The following LRP8 variants were observed in gnomAD, a reference collection of about 807,000 sequenced individuals.
LRP8 encodes the protein low-density lipoprotein receptor-related protein 8.
LRP8 carries 46 observed loss-of-function variants against 111.6 expected under a neutral mutation model. The ratio of observed to expected loss-of-function variants is 0.41; its 90% CI spans 0.33 to 0.53. The LOEUF (loss-of-function observed/expected upper bound fraction) is 0.53. LRP8 is among the 20% of genes least tolerant of loss of function. The pLI is 0.20. For synonymous variants in LRP8, 464 were observed against 511.2 expected (o/e 0.91, Z 1.24); for missense variants, 959 against 1,297.4 (o/e 0.74, Z 4.01).
intron 13 of LRP8, 82 bp downstream of exon 13, chr1:53,260,382 G>T: frequency 7.2e-7 from 1 of 1,386,664 alleles, no homozygotes; most frequent in South Asian, 1.3e-5. Context: ...TGACCTGAAT[G>T]TGAACACAGC....
chr1:53,280,545 G>A, intron 4 of LRP8, 42 bp downstream of exon 4: 2 of 1,600,258 alleles, frequency 1.2e-6, no homozygotes, highest in Non-Finnish European at 1.7e-6. Context: ...GAGGCTGCCT[G>A]ACCATGCTTG....
rs2100337865 is a variant in LRP8, at chr1:53,250,027, A to G, written c.2677-471T>C. On this transcript the variant is annotated intron_variant, in intron 17 of 18. Transcript: ENST00000306052. The surrounding 1 kb of genome is among the most constrained non-coding windows in gnomAD (Gnocchi z 4.6). ...CAGGGGCTGTGAGGTAGAGAGGCCC[A>G]GAGTACTGTGGGAGAACAAAGCAAG... Among the ~76,000 whole-genome samples the G allele has an allele frequency of 6.6e-6, 1 of 152,350 alleles. No homozygotes were observed. Among genetic ancestry groups the G allele is most frequent in the Non-Finnish European group, 1.5e-5 (1 of 68,032 alleles).
intron 2 of LRP8, among the ~76,000 whole-genome samples, chr1:53,320,958 G>A (rs535432055): frequency 1.5e-4 from 23 of 152,306 alleles, no homozygotes; most frequent in East Asian, 3.9e-4. Flanking sequence ...GCCAAGTTCC[G>A]TCTCCTTTCT....
chr1:53,294,167 C>T lies in LRP8; in HGVS notation c.245-4478G>A, dbSNP rs1442084382. 6.6e-6 allele frequency among the ~76,000 whole-genome samples: 1 copy of T among 152,186 alleles called. No individual in the cohort carries two copies. Among genetic ancestry groups the T allele is most frequent in the East Asian group, 1.9e-4 (1 of 5,182 alleles). On this transcript the variant is annotated intron_variant, in intron 2 of 18. Coordinates refer to ENST00000306052, the MANE Select transcript of LRP8 (RefSeq NM_004631.5). This position sits in a 1 kb window ranked among gnomAD's most constrained non-coding sequence, Gnocchi z 4.1. ...TTCCAGGGATTTATGTCCCCCCATGCCAGTCTGCCCCTTGGACAATGCCCA... is the reference window on the plus strand; with the variant it reads ...TTCCAGGGATTTATGTCCCCCCATGTCAGTCTGCCCCTTGGACAATGCCCA...
intron 8 of LRP8, among the ~76,000 whole-genome samples, chr1:53,270,681 GTTCA>G (rs1435430642): frequency 6.6e-6 from 1 of 152,208 alleles, no homozygotes; most frequent in Non-Finnish European, 1.5e-5. Context: ...GCTGCCGCTG[GTTCA>G]TTCTCTTTTA....
chr1:53,248,615 C>G (rs1645799093), intron 18 of LRP8, among the ~76,000 whole-genome samples: 1 of 152,176 alleles, frequency 6.6e-6, no homozygotes, highest in South Asian at 2.1e-4. Context: ...CGAATAATAT[C>G]AGCTTGATAA....
Position 53,246,283 on chromosome 1 carries a change from C to T in LRP8, c.*735G>A, listed in dbSNP as rs1185191975. On this transcript the variant is annotated 3_prime_UTR_variant, in exon 19 of 19. Transcript: ENST00000306052. ...CTGATCCAGATTTCCAAAGGCTTTT[C>T]TGAAAACTACAAGATATACCCCTTG... is the stretch of plus-strand genomic sequence containing the variant. The T allele has an allele frequency of 6.6e-6, 1 of 152,144 alleles. No individual in the cohort carries two copies. The highest frequency in any genetic ancestry group is 1.5e-5 in the Non-Finnish European group (1 of 68,032). 9.4% of individuals were successfully genotyped at this position (152,144 alleles called of 1,614,324 possible).
intron 4 of LRP8, among the ~76,000 whole-genome samples, chr1:53,278,353 C>T (rs1034926294): frequency 1.3e-5 from 2 of 152,206 alleles, no homozygotes; most frequent in African/African-American, 2.4e-5. Context: ...CCCGGTGGGG[C>T]ACTGATGCAG....
Position 53,317,552 on chromosome 1 carries a change from G to T in LRP8, c.244+9321C>A, listed in dbSNP as rs993339043. On this transcript the variant is annotated intron_variant, in intron 2 of 18. Coordinates refer to ENST00000306052, the MANE Select transcript of LRP8 (RefSeq NM_004631.5). The surrounding 1 kb of genome is among the most constrained non-coding windows in gnomAD (Gnocchi z 4.9). Reference sequence around the variant, plus strand: ...AAATCTCTCCTGCTGCTATTTTGCTGCTGCCCTCTTGTTGTGTCCTTGGTG... The same window carrying T: ...AAATCTCTCCTGCTGCTATTTTGCTTCTGCCCTCTTGTTGTGTCCTTGGTG... 6.6e-6 allele frequency among the ~76,000 whole-genome samples: 1 copy of T among 152,202 alleles called. No homozygotes were observed. Among genetic ancestry groups the T allele is most frequent in the Non-Finnish European group, 1.5e-5 (1 of 68,044 alleles).
chr1:53,276,914 A>C lies in LRP8; in HGVS notation c.661T>G (p.Cys221Gly). Residue 221 changes from cysteine to glycine, a missense_variant, in exon 5 of 19, where the codon TGC (cysteine) becomes GGC (glycine). Physicochemically the swap from Cys to Gly is radical, Grantham distance 159. Around this residue, in one of 3 missense-constraint regions of LRP8, gnomAD observed 819 missense variants for 1,097.6 expected, o/e 0.75. Transcript: ENST00000306052. ...FRCGGDGGGA[C>G]IPERWVCDRQ... ...TCGCAGACCCAGCGCTCCGGGATGC[A>C]GGCGCCGCCGCCATCGCCGCCGCAG... The C allele has an allele frequency of 7.0e-7, 1 of 1,435,290 alleles. No individual in the cohort carries two copies. Among genetic ancestry groups the C allele is most frequent in the Non-Finnish European group, 9.1e-7 (1 of 1,096,624 alleles). 88.9% of individuals were successfully genotyped at this position (1,435,290 alleles called of 1,614,324 possible). A position where few individuals can be genotyped will look rare whatever the true frequency, so the allele number is the denominator to read the frequency against.
intron 16 of LRP8, among the ~76,000 whole-genome samples, chr1:53,252,376 A>T (rs2100344751): frequency 6.6e-6 from 1 of 152,136 alleles, no homozygotes; most frequent in South Asian, 2.1e-4. Context: ...CAAAAAAATT[A>T]ATTTAAAAAA....
At chr1:53,313,766 T>C (rs1209044010) in intron 2 of LRP8, among the ~76,000 whole-genome samples, 1 of 152,088 alleles carries the variant, frequency 6.6e-6, no homozygotes, top group Non-Finnish European at 1.5e-5. Context: ...CAGGTACATG[T>C]CTGGTCTTGA....
chr1:53,299,185 C>G (rs1013964317), intron 2 of LRP8, among the ~76,000 whole-genome samples: 5 of 152,116 alleles, frequency 3.3e-5, no homozygotes, highest in South Asian at 2.1e-4. Flanking sequence ...GCAAATGATT[C>G]AGTGATGACC....
chr1:53,283,254 G>T (rs900624187), intron 3 of LRP8, among the ~76,000 whole-genome samples: 2 of 152,044 alleles, frequency 1.3e-5, no homozygotes, highest in African/African-American at 4.8e-5. Context: ...ATGAGGAACG[G>T]GCCCTCACCA....
At chr1:53,269,132 C>T (rs1273285164) in intron 8 of LRP8, among the ~76,000 whole-genome samples, 1 of 152,216 alleles carries the variant, frequency 6.6e-6, no homozygotes, top group African/African-American at 2.4e-5. Flanking sequence ...TCTCTGGCTT[C>T]ATCTCTTCCT....
In LRP8 at chr1:53,266,678, G is replaced by C; in HGVS notation, c.1253-31C>G. The C allele has an allele frequency of 4.4e-6, 7 of 1,607,752 alleles. No individual in the cohort carries two copies. The highest frequency in any genetic ancestry group is 1.3e-5 in the African/African-American group (1 of 74,940). The stretch of plus-strand genomic sequence containing the variant: ...ATGCAGGGAGGTTGAAAGAGAAAGA[G>C]TCAGTGCAAGAGGCAGGGAGCCTGG... On this transcript the variant is annotated intron_variant, in intron 8 of 18. Coordinates refer to ENST00000306052, the MANE Select transcript of LRP8 (RefSeq NM_004631.5). This position sits in a 1 kb window ranked among gnomAD's most constrained non-coding sequence, Gnocchi z 5.0.
At position 53,250,389 on chromosome 1, in the gene LRP8, A is replaced by G. The variant is rs1645855262; in HGVS notation, c.2676+301T>C. 6.6e-6 allele frequency among the ~76,000 whole-genome samples: 1 copy of G among 152,138 alleles called. No individual in the cohort carries two copies. Among genetic ancestry groups the G allele is most frequent in the South Asian group, 2.1e-4 (1 of 4,826 alleles). On this transcript the variant is annotated intron_variant, in intron 17 of 18. Coordinates refer to ENST00000306052, the MANE Select transcript of LRP8 (RefSeq NM_004631.5). This position sits in a 1 kb window ranked among gnomAD's most constrained non-coding sequence, Gnocchi z 4.6. The stretch of plus-strand genomic sequence containing the variant: ...GTGGTCCTGATACCTTTTTACCTTA[A>G]CCACCTACCCCAGCATTTCTGTGTT...
At position 53,317,368 on chromosome 1, in the gene LRP8, C is replaced by T. The variant is rs1449673248; in HGVS notation, c.244+9505G>A. On this transcript the variant is annotated intron_variant, in intron 2 of 18. Transcript: ENST00000306052. This position sits in a 1 kb window ranked among gnomAD's most constrained non-coding sequence, Gnocchi z 4.9. ...CCACGTGGCTAACTACCGTGGCAGG[C>T]CCGGCTGGCTAACCAGCCCCACTGG... 6.6e-6 allele frequency among the ~76,000 whole-genome samples: 1 copy of T among 152,224 alleles called. No homozygotes were observed. Among genetic ancestry groups the T allele is most frequent in the Non-Finnish European group, 1.5e-5 (1 of 68,032 alleles).
chr1:53,323,355 C>A (rs1447616523), intron 2 of LRP8, among the ~76,000 whole-genome samples: 1 of 152,242 alleles, frequency 6.6e-6, no homozygotes, highest in Non-Finnish European at 1.5e-5. Flanking sequence ...CAGCACGATG[C>A]CCGGTCCACA....
Sources: allele counts gnomAD v4.1 joint callset (sites outside exome capture counted in the v4.1 genomes callset), GRCh38; gene constraint gnomAD v4.1.1; regional missense constraint gnomAD v4.1.1; non-coding constraint Gnocchi (gnomAD v3.1); transcripts MANE v1.5; gene names NCBI Gene and HGNC (gene_info 2026-07-23, HGNC 2026-07-21).